The following GALNTL6 variants were observed in gnomAD, a reference collection of about 807,000 sequenced individuals.
The protein encoded by GALNTL6 is polypeptide N-acetylgalactosaminyltransferase-like 6.
Under a neutral mutation model 73.7 loss-of-function variants are expected in GALNTL6, and 46 were observed. The ratio of observed to expected loss-of-function variants is 0.62; its 90% CI spans 0.49 to 0.80. The LOEUF is 0.80. GALNTL6 is among the 30% of genes least tolerant of loss of function. The pLI, the probability that GALNTL6 is intolerant of heterozygous loss-of-function variation, is 0.00. For synonymous variants in GALNTL6, 259 were observed against 263.7 expected (o/e 0.98, Z 0.17); for missense variants, 604 against 755.0 (o/e 0.80, Z 2.34).
chr4:172,486,250 AGT>A (rs1480672907), intron 5 of GALNTL6, among the ~76,000 whole-genome samples: 1 of 152,218 alleles, frequency 6.6e-6, no homozygotes, highest in Non-Finnish European at 1.5e-5. Context: ...TCTGCAGATC[AGT>A]GTGTGAGAAA....
intron 5 of GALNTL6, among the ~76,000 whole-genome samples, chr4:172,726,021 C>G (rs1735775900): frequency 6.6e-6 from 1 of 152,190 alleles, no homozygotes; most frequent in Non-Finnish European, 1.5e-5. Context: ...TCCGCGGGGG[C>G]ACTAGCTGCG....
intron 2 of GALNTL6, among the ~76,000 whole-genome samples, chr4:172,206,370 C>T (rs1440012194): frequency 1.3e-5 from 2 of 152,126 alleles, no homozygotes; most frequent in East Asian, 3.9e-4. Context: ...AGAACAGGTG[C>T]TCCCCAGATG....
intron 2 of GALNTL6, among the ~76,000 whole-genome samples, chr4:172,102,413 C>A (rs746873300): frequency 1.3e-5 from 2 of 152,116 alleles, no homozygotes; most frequent in Admixed American, 6.5e-5. Context: ...GTCTTTTAGG[C>A]CAAGAGTTGT....
At chr4:172,123,719 T>C (rs933674186) in intron 2 of GALNTL6, among the ~76,000 whole-genome samples, 2 of 152,046 alleles carry the variant, frequency 1.3e-5, no homozygotes, top group African/African-American at 4.8e-5. Context: ...CAGGATGGTC[T>C]TGATCTCTTG....
chr4:172,248,769 G>A (rs1737749118), intron 3 of GALNTL6, among the ~76,000 whole-genome samples: 1 of 152,010 alleles, frequency 6.6e-6, no homozygotes, highest in Non-Finnish European at 1.5e-5. Context: ...GTTTTATAAG[G>A]TGCTTCCCCC....
intron 7 of GALNTL6, among the ~76,000 whole-genome samples, chr4:172,879,982 A>G (rs1223776791): frequency 1.3e-5 from 2 of 152,064 alleles, no homozygotes; most frequent in Non-Finnish European, 2.9e-5. Flanking sequence ...TATTATCATG[A>G]CTAAACTTCA....
intron 2 of GALNTL6, among the ~76,000 whole-genome samples, chr4:171,848,848 A>G (rs1735445079): frequency 6.6e-6 from 1 of 152,220 alleles, no homozygotes; most frequent in Admixed American, 6.5e-5. Context: ...CCGTATCAGC[A>G]ATAAGACTTC....
intron 5 of GALNTL6, among the ~76,000 whole-genome samples, chr4:172,731,918 C>A (rs955322540): frequency 6.6e-6 from 1 of 151,930 alleles, no homozygotes; most frequent in African/African-American, 2.4e-5. Context: ...GATATTATTT[C>A]TAGTTTTCAG....
chr4:172,204,281 A>G (rs1248836888), intron 2 of GALNTL6, among the ~76,000 whole-genome samples: 1 of 152,214 alleles, frequency 6.6e-6, no homozygotes, highest in Admixed American at 6.5e-5. Flanking sequence ...CGTCAATGTA[A>G]TAACTGAAAG....
intron 5 of GALNTL6, among the ~76,000 whole-genome samples, chr4:172,606,676 CT>C (rs1185114684): frequency 4.6e-5 from 2 of 43,744 alleles, no homozygotes; most frequent in African/African-American, 9.5e-5. Flanking sequence ...TATATATATA[CT>C]ATATATATAG....
chr4:172,656,714 A>G (rs1490853704), intron 5 of GALNTL6, among the ~76,000 whole-genome samples: 1 of 152,238 alleles, frequency 6.6e-6, no homozygotes, highest in Non-Finnish European at 1.5e-5. Flanking sequence ...CTGAAGGTCA[A>G]TCCTGAGAGC....
intron 2 of GALNTL6, among the ~76,000 whole-genome samples, chr4:171,923,738 A>G (rs1423326741): frequency 6.7e-6 from 1 of 148,838 alleles, no homozygotes; most frequent in Non-Finnish European, 1.5e-5. Context: ...CTCAGTAGCC[A>G]TTTGCAACTC....
chr4:172,108,260 T>C (rs1732743028), intron 2 of GALNTL6, among the ~76,000 whole-genome samples: 1 of 152,176 alleles, frequency 6.6e-6, no homozygotes, highest in African/African-American at 2.4e-5. Flanking sequence ...TCACAAGTTG[T>C]GCAGAATAAG....
intron 5 of GALNTL6, among the ~76,000 whole-genome samples, chr4:172,482,048 C>T (rs973596146): frequency 9.9e-5 from 15 of 152,208 alleles, no homozygotes; most frequent in Admixed American, 5.2e-4. Context: ...GGTGAGAATT[C>T]GAGCGCAGCG....
At chr4:172,359,975 G>A (rs923699944) in intron 5 of GALNTL6, among the ~76,000 whole-genome samples, 1 of 152,162 alleles carries the variant, frequency 6.6e-6, no homozygotes, top group Non-Finnish European at 1.5e-5. Context: ...TAAATGTACA[G>A]TGTTGTGTTT....
chr4:172,821,962 G>T (rs1177814424), intron 7 of GALNTL6, among the ~76,000 whole-genome samples: 3 of 152,096 alleles, frequency 2.0e-5, no homozygotes, highest in Non-Finnish European at 2.9e-5. Context: ...TGAGCCCCCA[G>T]TCTCCAGGGA....
intron 9 of GALNTL6, among the ~76,000 whole-genome samples, chr4:172,932,820 A>G (rs1748422108): frequency 6.6e-6 from 1 of 152,230 alleles, no homozygotes; most frequent in Non-Finnish European, 1.5e-5. Context: ...TATTTGTGGC[A>G]TCGTGTTAGC....
intron 5 of GALNTL6, among the ~76,000 whole-genome samples, chr4:172,445,345 G>A (rs1438890246): frequency 2.0e-5 from 3 of 152,126 alleles, no homozygotes; most frequent in African/African-American, 7.2e-5. Context: ...AGAAAAAACT[G>A]CAGATGAGAA....
chr4:172,008,355 G>A (rs1284400704), intron 2 of GALNTL6, among the ~76,000 whole-genome samples: 1 of 152,084 alleles, frequency 6.6e-6, no homozygotes, highest in Non-Finnish European at 1.5e-5. Flanking sequence ...TTCAAGGGCT[G>A]CAGACATTTT....
Sources: allele counts gnomAD v4.1 joint callset (sites outside exome capture counted in the v4.1 genomes callset), GRCh38; gene constraint gnomAD v4.1.1; transcripts MANE v1.5; gene names NCBI Gene and HGNC (gene_info 2026-07-23, HGNC 2026-07-21).